COL4A5: variants seen among roughly 807,000 people sequenced by gnomAD.
COL4A5 encodes the protein collagen type IV alpha 5 chain.
A neutral mutation model predicts 130.2 loss-of-function variants in COL4A5; 26 were observed. The observed-to-expected ratio is 0.20, with a 90% CI of 0.15 to 0.28. COL4A5 has a LOEUF of 0.28. COL4A5 is among the 10% of genes least tolerant of loss of function. The probability of loss-of-function intolerance (pLI) is 1.00; values close to 1 mark genes in which losing one functional copy is unlikely to be tolerated. For synonymous variants in COL4A5, 496 were observed against 439.6 expected (o/e 1.13, Z -1.60); for missense variants, 1,131 against 1,344.3 (o/e 0.84, Z 2.48).
intron 36 of COL4A5, among the ~76,000 whole-genome samples, chrX:108,646,450 G>C (rs2147916511): frequency 1.8e-5 from 2 of 111,151 alleles, no homozygotes; most frequent in Non-Finnish European, 3.8e-5. Context: ...TTGTAAATTT[G>C]TTTGAGTTCA....
At chrX:108,443,537 C>T (rs187383224) in intron 1 of COL4A5, among the ~76,000 whole-genome samples, 18 of 111,878 alleles carry the variant, frequency 1.6e-4, no homozygotes, top group African/African-American at 5.8e-4. Context: ...ATTTGCCTAC[C>T]TATCATATCC....
At chrX:108,464,557 G>A (rs2064684994) in intron 1 of COL4A5, among the ~76,000 whole-genome samples, 1 of 111,927 alleles carries the variant, frequency 8.9e-6, no homozygotes, top group African/African-American at 3.3e-5. Context: ...ACTATTTATT[G>A]GGTTGAATTA....
At chrX:108,672,079 CTT>C (rs2068218717) in intron 42 of COL4A5, among the ~76,000 whole-genome samples, 1 of 112,123 alleles carries the variant, frequency 8.9e-6, no homozygotes. Context: ...GCTGCATCCA[CTT>C]TCTTGTTTTC....
rs753005152 is a variant in COL4A5, at chrX:108,602,997, C to G, written c.2180C>G (p.Pro727Arg). 4.2e-6 allele frequency: 5 copies of G among 1,192,549 alleles called. No individual in the cohort carries two copies. Among genetic ancestry groups the G allele is most frequent in the Non-Finnish European group, 5.7e-6 (5 of 883,730 alleles). Reference protein sequence around the residue: ...FPGIPGPPGAPGTPGRIGLEG... With the variant: ...FPGIPGPPGARGTPGRIGLEG... ...GGAATTCCAGGACCTCCAGGAGCAC[C>G]TGGGACACCTGGAAGAATTGGTCTA... The change falls in exon 28 of 53, where the codon CCT becomes CGT. Residue 727 changes from proline to arginine, a missense_variant. Pro to Arg is a moderately radical substitution (Grantham distance 103). Coordinates refer to ENST00000328300, the MANE Select transcript of COL4A5 (RefSeq NM_033380.3).
At chrX:108,534,572 C>T (rs1394456452) in intron 1 of COL4A5, among the ~76,000 whole-genome samples, 1 of 110,902 alleles carries the variant, frequency 9.0e-6, no homozygotes, top group Non-Finnish European at 1.9e-5. Flanking sequence ...AGACAGAGAA[C>T]AGAGACTGGG....
At chrX:108,621,004 C>G (rs2067030826) in intron 31 of COL4A5, among the ~76,000 whole-genome samples, 2 of 110,880 alleles carry the variant, frequency 1.8e-5, no homozygotes, top group South Asian at 7.7e-4. Flanking sequence ...TTCTTTCGCT[C>G]TCTCTCTCCC....
intron 9 of COL4A5, 53 bp from the exon 10 acceptor site, chrX:108,575,857 A>G (rs2147764688): frequency 3.4e-6 from 3 of 877,853 alleles, no homozygotes; most frequent in East Asian, 3.4e-5. Flanking sequence ...AAAATACAAT[A>G]AGGGGCTTGT....
intron 49 of COL4A5, among the ~76,000 whole-genome samples, chrX:108,688,900 G>A (rs1165401845): frequency 1.8e-5 from 2 of 111,498 alleles, no homozygotes; most frequent in Non-Finnish European, 3.8e-5. Context: ...CAGAGACCCC[G>A]GAGGTCAGCT....
chrX:108,570,988 C>T (rs2066055777), intron 6 of COL4A5, among the ~76,000 whole-genome samples: 1 of 111,615 alleles, frequency 9.0e-6, no homozygotes, highest in Non-Finnish European at 1.9e-5. Flanking sequence ...TTCTTTCTTA[C>T]CATCTTTTCC....
At chrX:108,581,200 T>C (rs910602859) in intron 16 of COL4A5, among the ~76,000 whole-genome samples, 173 bp downstream of exon 16, 1 of 111,701 alleles carries the variant, frequency 9.0e-6, no homozygotes, top group East Asian at 2.8e-4. Flanking sequence ...TTTAAAAAAT[T>C]TTGTGAGTAC....
At chrX:108,623,369 G>A (rs1176873808) in intron 33 of COL4A5, among the ~76,000 whole-genome samples, 1 of 111,133 alleles carries the variant, frequency 9.0e-6, no homozygotes, top group African/African-American at 3.3e-5. Flanking sequence ...TAGATCTAGG[G>A]AACAATTGTG....
At chrX:108,468,594 T>A (rs1371392320) in intron 1 of COL4A5, among the ~76,000 whole-genome samples, 2 of 110,214 alleles carry the variant, frequency 1.8e-5, no homozygotes, top group Non-Finnish European at 3.8e-5. Flanking sequence ...TTGTCAGATT[T>A]TTTTTTTTAT....
chrX:108,644,443 C>G (rs775999944), intron 36 of COL4A5, among the ~76,000 whole-genome samples: 28 of 111,960 alleles, frequency 2.5e-4, no homozygotes, highest in Non-Finnish European at 4.5e-4. Context: ...ACATTCTATT[C>G]AAAAGCCCAC....
rs750606346 is a variant in COL4A5 at position 108,688,442 on chromosome X, G to GT, written c.4528+759dup. ...TTGTTGTTGTTGTTGTTGTTGTGTT[G>GT]TTTTTTTTTTTGATACGGAGCCTCG... On this transcript the variant is annotated intron_variant, in intron 49 of 52. Transcript: ENST00000328300. Among the ~76,000 whole-genome samples, 248 of 103,206 alleles carry GT rather than the reference G, an allele frequency of 2.4e-3. 1 individual carries two copies. Among genetic ancestry groups the GT allele is most frequent in the South Asian group, 4.7e-3 (11 of 2,361 alleles). The allele number at this position is 103,206 out of a possible 115,157, so 89.6% of individuals were successfully genotyped here. A position where few individuals can be genotyped will look rare whatever the true frequency, so the allele number is the denominator to read the frequency against.
At chrX:108,571,530 G>A (rs1603279838) in intron 7 of COL4A5, 64 bp downstream of exon 7, 1 of 827,190 alleles carries the variant, frequency 1.2e-6, no homozygotes, top group East Asian at 3.1e-5. Context: ...GAAATGTAGT[G>A]AGAGAGCCCA....
At chrX:108,539,955 G>A (rs1462361477) in intron 2 of COL4A5, 150 bp downstream of exon 2, 2 of 492,884 alleles carry the variant, frequency 4.1e-6, no homozygotes, top group South Asian at 3.4e-5. Flanking sequence ...AGCTTATAAG[G>A]ATTAGATTAT....
intron 11 of COL4A5, 39 bp downstream of exon 11, chrX:108,578,026 A>T (rs1242134043): frequency 8.3e-7 from 1 of 1,197,618 alleles, no homozygotes; most frequent in African/African-American, 1.8e-5. Context: ...TTTGGTGTGG[A>T]TTCCTTTTCT....
chrX:108,591,583 C>A lies in COL4A5; in HGVS notation c.1362C>A (p.Gly454=). Residue 454 remains glycine, a synonymous_variant, in exon 21 of 53, where the codon GGC becomes GGA. Coordinates refer to ENST00000328300, the MANE Select transcript of COL4A5 (RefSeq NM_033380.3). ...CAGGTGATGAGATATGTGAACCAGG[C>A]CCTCCAGGCCCCCCAGGATCTCCAG... is the stretch of plus-strand genomic sequence containing the variant. ...IPPSDEICEP[G]PPGPPGSPGD... is the part of the protein sequence containing the mutation. 2 of 1,206,487 alleles carry A rather than the reference C, an allele frequency of 1.7e-6. No individual in the cohort carries two copies. The highest frequency in any genetic ancestry group is 1.8e-5 in the South Asian group (1 of 56,833).
In COL4A5 at chrX:108,655,321, G is replaced by A. The variant is rs369817184; in HGVS notation, c.3247-10G>A. The A allele has an allele frequency of 6.9e-5, 83 of 1,206,294 alleles. No individual in the cohort carries two copies. The highest frequency in any genetic ancestry group is 2.5e-4 in the South Asian group (14 of 56,714). ...AGACTTCAGTATTATCTTTTTATTCGTGTTTTCAGGGTGAGCCTGGTCTGC... is the reference window on the plus strand; with the variant it reads ...AGACTTCAGTATTATCTTTTTATTCATGTTTTCAGGGTGAGCCTGGTCTGC... On this transcript the variant is annotated splice_polypyrimidine_tract_variant and intron_variant, in intron 36 of 52. Coordinates refer to ENST00000328300, the MANE Select transcript of COL4A5 (RefSeq NM_033380.3).
Sources: gnomAD v4.1 joint callset for allele counts (sites outside exome capture counted in the v4.1 genomes callset) on GRCh38, gnomAD v4.1.1 for gene constraint, MANE v1.5 for transcripts, NCBI Gene and HGNC (gene_info 2026-07-23, HGNC 2026-07-21) for gene names.